Variants in IQCM observed in about 807,000 individuals in gnomAD.
IQCM encodes the protein IQ motif containing M, also known as IQ domain-containing protein M.
In IQCM, 45 loss-of-function variants were observed where a neutral mutation model predicts 57.6. The ratio of observed to expected loss-of-function variants is 0.78; its 90% confidence interval spans 0.62 to 1.00. The LOEUF (loss-of-function observed/expected upper bound fraction) is 1.00, where lower values mean the gene tolerates loss of function less well. IQCM is among the 50% of genes least tolerant of loss of function. The pLI is 0.00. For synonymous variants in IQCM, 148 were observed against 158.9 expected (o/e 0.93, Z 0.51); for missense variants, 468 against 511.6 (o/e 0.91, Z 0.82).
intron 9 of IQCM, among the ~76,000 whole-genome samples, chr4:149,580,829 G>T (rs1179976014): frequency 6.6e-6 from 1 of 151,664 alleles, no homozygotes; most frequent in Admixed American, 6.6e-5. Context: ...GGAAGAGAAA[G>T]AAAATTCATT....
chr4:149,362,701 A>C (rs948305240), intron 13 of IQCM, among the ~76,000 whole-genome samples: 1 of 152,166 alleles, frequency 6.6e-6, no homozygotes, highest in African/African-American at 2.4e-5. Context: ...CTTTATCAGC[A>C]GGCTAAAAAC....
At chr4:149,664,523 T>G (rs1760515521) in intron 7 of IQCM, among the ~76,000 whole-genome samples, 1 of 152,150 alleles carries the variant, frequency 6.6e-6, no homozygotes, top group Non-Finnish European at 1.5e-5. Flanking sequence ...CTGTGAGGAC[T>G]CAGTAGCATC....
At chr4:149,694,754 G>C (rs1261151730) in intron 5 of IQCM, among the ~76,000 whole-genome samples, 1 of 152,142 alleles carries the variant, frequency 6.6e-6, no homozygotes, top group Non-Finnish European at 1.5e-5. Context: ...CTGTAGAGGG[G>C]ATTTTATGTT....
chr4:149,596,119 G>A (rs530681722), intron 8 of IQCM, among the ~76,000 whole-genome samples: 41 of 152,210 alleles, frequency 2.7e-4, no homozygotes, highest in Admixed American at 2.4e-3. Flanking sequence ...AAGTGTAGGA[G>A]GCAATACACA....
intron 8 of IQCM, among the ~76,000 whole-genome samples, chr4:149,599,404 G>A (rs1754067122): frequency 6.6e-6 from 1 of 152,112 alleles, no homozygotes; most frequent in African/African-American, 2.4e-5. Context: ...GTGTACATGT[G>A]CTAAAATTGT....
At chr4:149,612,431 TG>T (rs1302189115) in intron 8 of IQCM, among the ~76,000 whole-genome samples, 1 of 152,198 alleles carries the variant, frequency 6.6e-6, no homozygotes, top group East Asian at 1.9e-4. Flanking sequence ...AGGTCTTTTT[TG>T]TCACACTTTT....
At chr4:149,374,498 T>C (rs558732676) in intron 13 of IQCM, among the ~76,000 whole-genome samples, 2 of 152,198 alleles carry the variant, frequency 1.3e-5, no homozygotes, top group South Asian at 2.1e-4. Context: ...ACCCATTCAC[T>C]ACTCCAAAAA....
intron 2 of IQCM, among the ~76,000 whole-genome samples, chr4:149,804,961 A>T (rs549247480): frequency 2.0e-5 from 3 of 152,182 alleles, no homozygotes; most frequent in Non-Finnish European, 4.4e-5. Context: ...TGCTGGGAAC[A>T]TATAACTGCC....
intron 7 of IQCM, among the ~76,000 whole-genome samples, chr4:149,675,870 CT>C (rs1277185375): frequency 6.6e-6 from 1 of 151,924 alleles, no homozygotes; most frequent in East Asian, 1.9e-4. Flanking sequence ...AATTTTCTAA[CT>C]TTTTATCTCT....
intron 12 of IQCM, among the ~76,000 whole-genome samples, chr4:149,484,574 C>T (rs1178808522): frequency 6.6e-6 from 1 of 151,870 alleles, no homozygotes; most frequent in African/African-American, 2.4e-5. Flanking sequence ...AACAAACAAA[C>T]ATGCAAAAAA....
At chr4:149,354,380 A>AAAAAAAAC (rs1728805030) in intron 13 of IQCM, among the ~76,000 whole-genome samples, 1 of 131,348 alleles carries the variant, frequency 7.6e-6, no homozygotes, top group Non-Finnish European at 1.6e-5. Flanking sequence ...AAAAAAAAAA[A>AAAAAAAAC]AAAAAAAAAC....
At chr4:149,701,377 G>A (rs1580054891) in intron 5 of IQCM, among the ~76,000 whole-genome samples, 1 of 152,136 alleles carries the variant, frequency 6.6e-6, no homozygotes, top group East Asian at 1.9e-4. Flanking sequence ...GAATATTCAT[G>A]TATCATTTTG....
chr4:149,550,825 C>G (rs1748958188), intron 11 of IQCM, among the ~76,000 whole-genome samples: 2 of 152,144 alleles, frequency 1.3e-5, no homozygotes, highest in Admixed American at 1.3e-4. Context: ...TATTGAGTTA[C>G]TTTCCCCTCA....
At chr4:149,501,442 A>T (rs1743229498) in intron 12 of IQCM, among the ~76,000 whole-genome samples, 1 of 152,182 alleles carries the variant, frequency 6.6e-6, no homozygotes, top group Admixed American at 6.6e-5. Flanking sequence ...CCTGTTAGAA[A>T]TTGCAGAAGA....
At chr4:149,482,784 G>A (rs915449171) in intron 12 of IQCM, among the ~76,000 whole-genome samples, 11 of 150,410 alleles carry the variant, frequency 7.3e-5, no homozygotes, top group African/African-American at 2.7e-4. Context: ...GGGTAATACT[G>A]TCTTCATATA....
At chr4:149,458,051 T>C (rs976016938) in intron 12 of IQCM, among the ~76,000 whole-genome samples, 1 of 151,932 alleles carries the variant, frequency 6.6e-6, no homozygotes, top group Non-Finnish European at 1.5e-5. Context: ...GGGAGGTAGA[T>C]TTCAAACAAA....
At chr4:149,395,030 TA>T (rs1308203486) in intron 13 of IQCM, among the ~76,000 whole-genome samples, 1 of 151,920 alleles carries the variant, frequency 6.6e-6, no homozygotes, top group Non-Finnish European at 1.5e-5. Flanking sequence ...CTCCACCAAA[TA>T]AAACCTAGCT....
chr4:149,497,948 G>A (rs894711984), intron 12 of IQCM, among the ~76,000 whole-genome samples: 1 of 152,056 alleles, frequency 6.6e-6, no homozygotes, highest in Admixed American at 6.6e-5. Flanking sequence ...CTGATGTTCT[G>A]ATGCTCTGAT....
intron 9 of IQCM, among the ~76,000 whole-genome samples, chr4:149,586,905 G>A (rs1484248243): frequency 2.0e-5 from 3 of 151,514 alleles, no homozygotes; most frequent in African/African-American, 7.3e-5. Flanking sequence ...TTCTTTCTAT[G>A]TAAACAGATG....
Sources: allele counts gnomAD v4.1 joint callset (sites outside exome capture counted in the v4.1 genomes callset), GRCh38; gene constraint gnomAD v4.1.1; transcripts MANE v1.5; gene names NCBI Gene and HGNC (gene_info 2026-07-23, HGNC 2026-07-21).